CUBN: variants seen among roughly 807,000 people sequenced by gnomAD.
The protein encoded by CUBN is 460 kDa receptor.
In CUBN, 282 loss-of-function variants were observed where a neutral mutation model predicts 405.3. The ratio of observed to expected loss-of-function variants is 0.70; its 90% CI spans 0.63 to 0.77. The LOEUF is 0.77. Ranked by LOEUF, CUBN falls within the 30% of genes least tolerant of loss-of-function variation. CUBN has a pLI of 0.00. For missense variants in CUBN, 4,514 were observed against 4,475.2 expected, an observed-to-expected ratio of 1.01 and a Z score of -0.25; for synonymous variants, 1,684 against 1,617.0, an observed-to-expected ratio of 1.04 and a Z score of -0.99.
intron 29 of CUBN, among the ~76,000 whole-genome samples, chr10:16,989,110 A>G (rs1446257774): frequency 6.6e-6 from 1 of 152,130 alleles, no homozygotes; most frequent in Non-Finnish European, 1.5e-5. Flanking sequence ...GCAAACAAAC[A>G]TCTAGCCTCA....
intron 9 of CUBN, among the ~76,000 whole-genome samples, chr10:17,110,651 C>A (rs552108312): frequency 6.6e-6 from 1 of 152,236 alleles, no homozygotes; most frequent in South Asian, 2.1e-4. Flanking sequence ...CCTCAGCCTC[C>A]CGAGTAGCTA....
intron 59 of CUBN, among the ~76,000 whole-genome samples, chr10:16,856,546 T>A (rs150962628): frequency 6.6e-4 from 100 of 152,312 alleles, no homozygotes; most frequent in African/African-American, 2.2e-3. Context: ...CCAAGATCAA[T>A]CTGATAAGGG....
intron 6 of CUBN, 24 bp downstream of exon 6, chr10:17,122,771 A>G: frequency 7.1e-7 from 1 of 1,416,122 alleles, no homozygotes; most frequent in Non-Finnish European, 9.9e-7. Context: ...ACTGATATTT[A>G]CCAAAAAAAA....
At chr10:16,988,920 C>T (rs573724571) in intron 29 of CUBN, among the ~76,000 whole-genome samples, 16 of 152,262 alleles carry the variant, frequency 1.1e-4, no homozygotes, top group South Asian at 8.3e-4. Flanking sequence ...CCTCATGGAA[C>T]GATTTAATGT....
chr10:16,910,355 T>G (rs1450834246), intron 48 of CUBN, among the ~76,000 whole-genome samples: 1 of 152,202 alleles, frequency 6.6e-6, no homozygotes, highest in Non-Finnish European at 1.5e-5. Flanking sequence ...CACATGCCCT[T>G]GTTTGGAGCA....
intron 27 of CUBN, among the ~76,000 whole-genome samples, chr10:17,037,870 G>T (rs1834932593): frequency 6.6e-6 from 1 of 151,492 alleles, no homozygotes; most frequent in Non-Finnish European, 1.5e-5. Context: ...GAGTCACATT[G>T]ATCTCCAAGG....
chr10:16,880,140 T>C (rs978897583), intron 56 of CUBN, among the ~76,000 whole-genome samples: 8 of 152,212 alleles, frequency 5.3e-5, no homozygotes, highest in African/African-American at 1.7e-4. Flanking sequence ...GAATTGCTCC[T>C]TTGTGTTTAA....
intron 14 of CUBN, among the ~76,000 whole-genome samples, chr10:17,090,183 A>G (rs1425534142): frequency 2.0e-5 from 3 of 152,224 alleles, no homozygotes; most frequent in Admixed American, 6.5e-5. Context: ...ATGAGACATC[A>G]CATAGCGGCA....
chr10:16,872,341 T>C (rs1313011526), intron 58 of CUBN, among the ~76,000 whole-genome samples: 1 of 108,906 alleles, frequency 9.2e-6, no homozygotes, highest in Non-Finnish European at 1.7e-5. Flanking sequence ...ATTTAGATTG[T>C]ATACATACAT....
chr10:17,092,101 C>T (rs910488653), intron 14 of CUBN, among the ~76,000 whole-genome samples: 2 of 152,098 alleles, frequency 1.3e-5, no homozygotes, highest in Non-Finnish European at 2.9e-5. Flanking sequence ...ACGGAGAAAA[C>T]CCCTGACCCA....
chr10:17,059,034 G>C (rs1835450761), intron 22 of CUBN, among the ~76,000 whole-genome samples: 2 of 150,862 alleles, frequency 1.3e-5, no homozygotes, highest in South Asian at 4.2e-4. Context: ...AAATTCAACT[G>C]AACTAGCAAT....
chr10:17,073,726 G>A (rs575105562), intron 17 of CUBN, among the ~76,000 whole-genome samples: 3 of 152,116 alleles, frequency 2.0e-5, no homozygotes, highest in African/African-American at 4.8e-5. Flanking sequence ...GATTACACGC[G>A]TGAGCCACTG....
At chr10:17,095,392 C>G (rs1463837867) in intron 14 of CUBN, among the ~76,000 whole-genome samples, 1 of 151,748 alleles carries the variant, frequency 6.6e-6, no homozygotes, top group Non-Finnish European at 1.5e-5. Context: ...ATATAAAAAA[C>G]TCAACTCAAT....
Position 16,876,837 on chromosome 10 carries a change from CTT to C in CUBN, c.9106+58_9106+59del, listed in dbSNP as rs1840518079. The C allele has an allele frequency of 2.8e-6, 4 of 1,438,500 alleles. No individual in the cohort carries two copies. In the African/African-American group the frequency reaches 5.6e-5, roughly 20 times the overall value. The allele number at this position is 1,438,500 out of a possible 1,614,324, so 89.1% of individuals were successfully genotyped here. On this transcript the variant is annotated intron_variant, in intron 57 of 66. Transcript: ENST00000377833. ...TGCTGTATGAATCGCAGTGAAAACT[CTT>C]TGTATACATTACTCAGAAAAGAAGA... is the stretch of plus-strand genomic sequence containing the variant.
chr10:17,090,961 G>C (rs1836244606), intron 14 of CUBN, among the ~76,000 whole-genome samples: 1 of 151,942 alleles, frequency 6.6e-6, no homozygotes, highest in African/African-American at 2.4e-5. Context: ...GAAAGGTCTA[G>C]AGACGATGAC....
At chr10:16,854,932 TCCTC>T (rs1225822398) in intron 59 of CUBN, among the ~76,000 whole-genome samples, 212 of 150,792 alleles carry the variant, frequency 1.4e-3, no homozygotes, top group Non-Finnish European at 1.9e-3. Context: ...CTTCCTTCCT[TCCTC>T]CCTCCCTCCC....
At chr10:16,869,353 T>TG (rs1475558935) in intron 59 of CUBN, among the ~76,000 whole-genome samples, 1 of 151,762 alleles carries the variant, frequency 6.6e-6, no homozygotes, top group Admixed American at 6.6e-5. Context: ...TTTGTAGAGA[T>TG]GGGGTTTCAC....
At chr10:16,965,937 C>T in intron 31 of CUBN, 1 of 471,064 alleles carries the variant, frequency 2.1e-6, no homozygotes, top group Non-Finnish European at 4.4e-6. Context: ...AGCCAATATA[C>T]AAACCCCATC....
chr10:16,878,242 C>T (rs527560146), intron 56 of CUBN, among the ~76,000 whole-genome samples: 10 of 152,148 alleles, frequency 6.6e-5, no homozygotes, highest in Admixed American at 2.6e-4. Flanking sequence ...GAGCTGAGAT[C>T]GCGCCACTTC....
Sources: gnomAD v4.1 joint callset for allele counts (sites outside exome capture counted in the v4.1 genomes callset) on GRCh38, gnomAD v4.1.1 for gene constraint, MANE v1.5 for transcripts, NCBI Gene and HGNC (gene_info 2026-07-23, HGNC 2026-07-21) for gene names.